Variants in PTPRN2 observed in about 807,000 individuals in gnomAD.
The protein encoded by PTPRN2 is protein tyrosine phosphatase receptor type N2.
Under a neutral mutation model 118.8 loss-of-function variants are expected in PTPRN2, and 74 were observed. The ratio of observed to expected loss-of-function variants is 0.62; its 90% CI spans 0.52 to 0.76. The LOEUF (loss-of-function observed/expected upper bound fraction) is 0.76, where lower values mean the gene tolerates loss of function less well. PTPRN2 is among the 30% of genes least tolerant of loss of function. PTPRN2 has a pLI of 0.00. For missense variants in PTPRN2, 1,481 were observed against 1,394.4 expected (o/e 1.06, Z -0.99); for synonymous variants, 641 against 608.0 (o/e 1.05, Z -0.80).
intron 5 of PTPRN2, among the ~76,000 whole-genome samples, chr7:158,175,907 C>G (rs1029232714): frequency 2.0e-5 from 3 of 152,174 alleles, no homozygotes; most frequent in African/African-American, 7.2e-5. Context: ...GAGGCCAGTG[C>G]TGCTCTCAGT....
chr7:157,966,495 T>G (rs1386262268), intron 11 of PTPRN2, among the ~76,000 whole-genome samples: 1 of 152,002 alleles, frequency 6.6e-6, no homozygotes, highest in Non-Finnish European at 1.5e-5. Flanking sequence ...ATCCCCATTA[T>G]CACCATCATC....
At chr7:158,129,804 T>C (rs1238946746) in intron 9 of PTPRN2, among the ~76,000 whole-genome samples, 1 of 152,188 alleles carries the variant, frequency 6.6e-6, no homozygotes, top group African/African-American at 2.4e-5. Flanking sequence ...CTGCCTGTGA[T>C]TCTCCACTGG....
intron 9 of PTPRN2, among the ~76,000 whole-genome samples, chr7:158,120,697 C>G (rs1266981286): frequency 6.6e-6 from 1 of 152,150 alleles, no homozygotes. Flanking sequence ...CTCTCTTTTC[C>G]TGTACATTTT....
intron 3 of PTPRN2, among the ~76,000 whole-genome samples, chr7:158,249,080 CACACCACACAT>C (rs1346808041): frequency 1.3e-5 from 2 of 151,788 alleles, no homozygotes; most frequent in Admixed American, 6.6e-5. Context: ...ATACACCACA[CACACCACACAT>C]ATGCACACAT....
intron 11 of PTPRN2, among the ~76,000 whole-genome samples, chr7:157,910,300 T>G (rs1016275952): frequency 6.7e-6 from 1 of 149,444 alleles, no homozygotes; most frequent in African/African-American, 2.5e-5. Context: ...ATCACGCACG[T>G]ACGCCGTGGG....
chr7:157,880,234 A>C (rs1162341251), intron 12 of PTPRN2, among the ~76,000 whole-genome samples: 1 of 152,220 alleles, frequency 6.6e-6, no homozygotes, highest in Non-Finnish European at 1.5e-5. Context: ...GCAGCTTCAC[A>C]ATCAGGCCCT....
In PTPRN2 at chr7:157,550,053, G is replaced by T. The variant is rs912467537; in HGVS notation, c.2903-1034C>A. ...CGTGGGCAGGACAGCGCTGGCCGAA[G>T]ACCTGAGGAGGCCCGGGTGGCCCAG... On this transcript the variant is annotated intron_variant, in intron 21 of 22. Coordinates refer to ENST00000389418, the MANE Select transcript of PTPRN2 (RefSeq NM_002847.5). This position sits in a 1 kb window ranked among gnomAD's most constrained non-coding sequence, Gnocchi z 5.2. Among the ~76,000 whole-genome samples the T allele has an allele frequency of 3.9e-5, 6 of 152,252 alleles. No homozygotes were observed. Among genetic ancestry groups the T allele is most frequent in the South Asian group, 4.1e-4 (2 of 4,836 alleles).
At chr7:157,924,470 C>T (rs138052932) in intron 11 of PTPRN2, among the ~76,000 whole-genome samples, 120 of 152,354 alleles carry the variant, frequency 7.9e-4, no homozygotes, top group South Asian at 3.7e-3. Context: ...CTACCCTGGA[C>T]GCCTCCAAAG....
chr7:158,061,248 G>A (rs901573828), intron 11 of PTPRN2, among the ~76,000 whole-genome samples: 17 of 152,342 alleles, frequency 1.1e-4, no homozygotes, highest in Admixed American at 2.0e-4. Context: ...TGCGCGTCCC[G>A]CCTCTGCAAT....
At chr7:158,185,563 ATCT>A (rs1194664925) in intron 5 of PTPRN2, among the ~76,000 whole-genome samples, 4 of 152,252 alleles carry the variant, frequency 2.6e-5, no homozygotes, top group African/African-American at 9.6e-5. Flanking sequence ...TTTCTATAGC[ATCT>A]TAATGAATTG....
At chr7:157,643,499 C>T (rs1241884814) in intron 14 of PTPRN2, among the ~76,000 whole-genome samples, 2 of 152,352 alleles carry the variant, frequency 1.3e-5, no homozygotes, top group South Asian at 2.1e-4. Context: ...GGCACTGTGG[C>T]GGAGGTGTGG....
Position 157,619,623 on chromosome 7 carries a change from C to T in PTPRN2, c.2344+1739G>A. 6.6e-6 allele frequency among the ~76,000 whole-genome samples: 1 copy of T among 152,236 alleles called. No individual in the cohort carries two copies. The highest frequency in any genetic ancestry group is 1.5e-5 in the Non-Finnish European group (1 of 68,050). On this transcript the variant is annotated intron_variant, in intron 15 of 22. Transcript: ENST00000389418. This position sits in a 1 kb window ranked among gnomAD's most constrained non-coding sequence, Gnocchi z 5.3. ...TTTAGATCTCTTTAGGGTTAAAACCCTCAGACCTCATAGAAACTGGTCTGA... is the reference window on the plus strand; with the variant it reads ...TTTAGATCTCTTTAGGGTTAAAACCTTCAGACCTCATAGAAACTGGTCTGA...
chr7:157,571,549 C>T, intron 19 of PTPRN2, 56 bp from the exon 20 acceptor site: 4 of 1,328,204 alleles, frequency 3.0e-6, no homozygotes, highest in Non-Finnish European at 4.2e-6. Flanking sequence ...TTGCGTTATC[C>T]AAAACAACTA....
intron 11 of PTPRN2, among the ~76,000 whole-genome samples, chr7:157,931,444 C>T (rs1442091390): frequency 3.9e-5 from 6 of 152,148 alleles, no homozygotes; most frequent in African/African-American, 9.7e-5. Context: ...AACAGAGGCA[C>T]GGAACCCAGT....
At chr7:157,699,029 T>C (rs1797943775) in intron 12 of PTPRN2, among the ~76,000 whole-genome samples, 1 of 152,236 alleles carries the variant, frequency 6.6e-6, no homozygotes, top group African/African-American at 2.4e-5. Context: ...TCATCTCTAT[T>C]TTTGTTTAAA....
chr7:158,271,308 C>T (rs1449077114), intron 3 of PTPRN2, among the ~76,000 whole-genome samples: 1 of 152,246 alleles, frequency 6.6e-6, no homozygotes. Context: ...CATATATCCT[C>T]TCCACACACT....
At chr7:157,938,497 G>A (rs1322306212) in intron 11 of PTPRN2, among the ~76,000 whole-genome samples, 2 of 152,196 alleles carry the variant, frequency 1.3e-5, no homozygotes, top group Non-Finnish European at 2.9e-5. Flanking sequence ...GCAGACCACT[G>A]CCCACCCTCT....
At chr7:157,656,273 C>A in intron 14 of PTPRN2, 84 bp downstream of exon 14, 2 of 1,361,764 alleles carry the variant, frequency 1.5e-6, no homozygotes, top group Non-Finnish European at 2.0e-6. Flanking sequence ...CGAGGGTCAG[C>A]GGGCGCAGAT....
chr7:158,074,610 T>G (rs1002636319), intron 11 of PTPRN2, among the ~76,000 whole-genome samples: 2 of 152,158 alleles, frequency 1.3e-5, no homozygotes, highest in African/African-American at 4.8e-5. Context: ...GCAGTAGACG[T>G]GCCGACGTGG....
Sources: allele counts gnomAD v4.1 joint callset (sites outside exome capture counted in the v4.1 genomes callset), GRCh38; gene constraint gnomAD v4.1.1; non-coding constraint Gnocchi (gnomAD v3.1); transcripts MANE v1.5; gene names NCBI Gene and HGNC (gene_info 2026-07-23, HGNC 2026-07-21).